The following ZNF704 variants were observed in gnomAD, a reference collection of about 807,000 sequenced individuals.
ZNF704 encodes glucocorticoid induced gene 1.
ZNF704 carries 10 observed loss-of-function variants against 44.7 expected under a neutral mutation model. The observed-to-expected ratio is 0.22, with a 90% confidence interval of 0.14 to 0.38. The LOEUF (loss-of-function observed/expected upper bound fraction) is 0.38, where lower values mean the gene tolerates loss of function less well. Ranked by LOEUF, ZNF704 falls within the 10% of genes least tolerant of loss-of-function variation. The pLI is 1.00. For missense variants in ZNF704, 390 were observed against 545.5 expected (o/e 0.71, Z 2.84); for synonymous variants, 211 against 207.6 (o/e 1.02, Z -0.14).
At chr8:80,721,988 G>A (rs190650825) in intron 2 of ZNF704, among the ~76,000 whole-genome samples, 82 of 152,284 alleles carry the variant, frequency 5.4e-4, no homozygotes, top group Admixed American at 4.6e-3. Flanking sequence ...TATAATCCCA[G>A]CACTTTGGGA....
chr8:80,636,961 G>C lies in ZNF704; in HGVS notation c.*4405C>G, dbSNP rs1175593438. On this transcript the variant is annotated 3_prime_UTR_variant, in exon 9 of 9. Transcript: ENST00000327835. ...ATAGCTAATAAACAGTCATCCATTG[G>C]GTAATGATAAAAAGGACCAGCAAGG... is the stretch of plus-strand genomic sequence containing the variant. The C allele has an allele frequency of 2.0e-5, 3 of 152,138 alleles. No individual in the cohort carries two copies. Among genetic ancestry groups the C allele is most frequent in the African/African-American group, 7.2e-5 (3 of 41,412 alleles). The allele number at this position is 152,138 out of a possible 1,614,324, so 9.4% of individuals were successfully genotyped here.
chr8:80,722,971 A>G (rs528508681), intron 2 of ZNF704, among the ~76,000 whole-genome samples: 1 of 152,378 alleles, frequency 6.6e-6, no homozygotes, highest in African/African-American at 2.4e-5. Context: ...AATAAAAACA[A>G]TTCTTTTGCA....
intron 1 of ZNF704, among the ~76,000 whole-genome samples, chr8:80,869,179 C>T (rs1809207215): frequency 6.6e-6 from 1 of 152,176 alleles, no homozygotes; most frequent in African/African-American, 2.4e-5. Flanking sequence ...CTGGTAAGCA[C>T]TCAATAAATT....
chr8:80,818,523 TTATAA>T (rs1183865565), intron 2 of ZNF704, among the ~76,000 whole-genome samples: 1 of 152,182 alleles, frequency 6.6e-6, no homozygotes, highest in East Asian at 1.9e-4. Context: ...TCTGGATTAC[TTATAA>T]TATCTAATAC....
At chr8:80,824,799 C>A (rs1586055057) in intron 1 of ZNF704, among the ~76,000 whole-genome samples, 1 of 152,096 alleles carries the variant, frequency 6.6e-6, no homozygotes, top group African/African-American at 2.4e-5. Flanking sequence ...AATTTTCAAC[C>A]CAGAATTTCA....
intron 2 of ZNF704, among the ~76,000 whole-genome samples, chr8:80,781,287 T>C (rs1167017466): frequency 1.3e-5 from 2 of 152,228 alleles, no homozygotes; most frequent in Admixed American, 1.3e-4. Flanking sequence ...GCCATATCTG[T>C]AAATATTTTA....
intron 3 of ZNF704, 77 bp downstream of exon 3, chr8:80,692,927 G>A (rs1818664163): frequency 4.6e-6 from 6 of 1,310,008 alleles, no homozygotes; most frequent in Non-Finnish European, 3.3e-6. Context: ...GCGCTTGACA[G>A]GAATGAGACA....
intron 1 of ZNF704, among the ~76,000 whole-genome samples, chr8:80,845,871 C>T (rs1163432190): frequency 6.6e-6 from 1 of 152,098 alleles, no homozygotes; most frequent in African/African-American, 2.4e-5. Context: ...GAAGCATATA[C>T]TTCAGAAGAT....
At position 80,640,480 on chromosome 8, in the gene ZNF704, G is replaced by A. The variant is rs772309786; in HGVS notation, c.*886C>T. The A allele has an allele frequency of 6.6e-6, 1 of 152,414 alleles. No homozygotes were observed. Among genetic ancestry groups the A allele is most frequent in the African/African-American group, 2.4e-5 (1 of 41,446 alleles). 9.4% of individuals were successfully genotyped at this position (152,414 alleles called of 1,614,324 possible). On this transcript the variant is annotated 3_prime_UTR_variant, in exon 9 of 9. Transcript: ENST00000327835. ...CAGACAAGCAGTAACAAATAGCTCC[G>A]AGTTGCCATTTGTGTCACATCCCTG...
At chr8:80,746,283 AT>A (rs951488829) in intron 2 of ZNF704, among the ~76,000 whole-genome samples, 3 of 152,210 alleles carry the variant, frequency 2.0e-5, no homozygotes, top group Non-Finnish European at 2.9e-5. Context: ...AAGGCGAAAG[AT>A]TTATACCATC....
chr8:80,850,083 G>C (rs1808832469), intron 1 of ZNF704, among the ~76,000 whole-genome samples: 1 of 152,036 alleles, frequency 6.6e-6, no homozygotes, highest in African/African-American at 2.4e-5. Context: ...TGCTGGGTTT[G>C]TACTTTTATT....
intron 2 of ZNF704, among the ~76,000 whole-genome samples, chr8:80,719,679 G>C (rs1322165172): frequency 6.6e-6 from 1 of 152,152 alleles, no homozygotes; most frequent in Admixed American, 6.5e-5. Flanking sequence ...ATGAATTTTA[G>C]TAAATTCATG....
At chr8:80,849,082 TTAAG>T (rs1476429347) in intron 1 of ZNF704, among the ~76,000 whole-genome samples, 4 of 152,160 alleles carry the variant, frequency 2.6e-5, no homozygotes, top group African/African-American at 9.7e-5. Context: ...GGAATAAATA[TTAAG>T]GGAAGAGGTG....
rs574969620 is a variant in ZNF704, at chr8:80,872,959, A to G, written c.-22+1612T>C. Among the ~76,000 whole-genome samples the G allele has an allele frequency of 3.9e-5, 6 of 152,292 alleles. 1 individual carries two copies. In the South Asian group the frequency reaches 1.2e-3, roughly 32 times the overall value. ...GTCAATGCCAAAAACTGCTAGCAAA[A>G]TGCATGTGGAAACCAAGGGCTTGGA... On this transcript the variant is annotated intron_variant, in intron 1 of 8. Coordinates refer to ENST00000327835, the MANE Select transcript of ZNF704 (RefSeq NM_001033723.3).
chr8:80,793,056 A>C (rs1201273646), intron 2 of ZNF704, among the ~76,000 whole-genome samples: 2 of 152,260 alleles, frequency 1.3e-5, no homozygotes, highest in Non-Finnish European at 2.9e-5. Context: ...TACATAAAAC[A>C]ACCAAAATGT....
chr8:80,687,298 C>T lies in ZNF704; in HGVS notation c.486G>A (p.Gln162=), dbSNP rs762987572. The change falls in exon 4 of 9, where the codon CAG becomes CAA. Residue 162 remains glutamine (Q), a synonymous_variant. Transcript: ENST00000327835. ...DSFKPFRSPA[Q]PDDGIDEAEA... is the part of the protein sequence containing the mutation. The stretch of plus-strand genomic sequence containing the variant: ...CCGCCTCGTCGATGCCGTCGTCTGG[C>T]TGCGCGGGGCTGCGGAAGGGCTTGA... 6.8e-6 allele frequency: 11 copies of T among 1,613,006 alleles called. No homozygotes were observed. In the South Asian group the frequency reaches 1.2e-4, roughly 18 times the overall value.
chr8:80,669,739 G>A (rs935437051), intron 5 of ZNF704, among the ~76,000 whole-genome samples: 6 of 152,254 alleles, frequency 3.9e-5, no homozygotes, highest in Middle Eastern at 3.4e-3. Context: ...CACTGGTTCT[G>A]ACTTACAGCC....
intron 6 of ZNF704, among the ~76,000 whole-genome samples, chr8:80,660,123 G>C (rs1818075923): frequency 6.6e-6 from 1 of 152,028 alleles, no homozygotes; most frequent in South Asian, 2.1e-4. Context: ...TCCACTCTAG[G>C]CATTCATTCT....
chr8:80,786,203 T>C (rs1469555481), intron 2 of ZNF704, among the ~76,000 whole-genome samples: 2 of 152,142 alleles, frequency 1.3e-5, no homozygotes, highest in Non-Finnish European at 2.9e-5. Context: ...GCCGCGGTTG[T>C]AGTGAACTGA....
Sources: gnomAD v4.1 joint callset for allele counts (sites outside exome capture counted in the v4.1 genomes callset) on GRCh38, gnomAD v4.1.1 for gene constraint, MANE v1.5 for transcripts, NCBI Gene and HGNC (gene_info 2026-07-23, HGNC 2026-07-21) for gene names.